WNT5A: variants seen among roughly 807,000 people sequenced by gnomAD.
WNT5A encodes Wnt family member 5A.
WNT5A carries 9 observed loss-of-function variants against 42.1 expected under a neutral mutation model. That is an observed-to-expected ratio of 0.21 (90% CI 0.13 to 0.37). The LOEUF (loss-of-function observed/expected upper bound fraction) is 0.37, where lower values mean the gene tolerates loss of function less well. Among genes scored for constraint, WNT5A ranks in the 10% least tolerant of loss-of-function variants. The pLI, the probability that WNT5A is intolerant of heterozygous loss-of-function variation, is 1.00. For missense variants in WNT5A, 426 were observed against 534.0 expected, an observed-to-expected ratio of 0.80 and a Z score of 1.99; for synonymous variants, 210 against 210.0, an observed-to-expected ratio of 1.00 and a Z score of 0.00.
chr3:55,485,392 T>C (rs1387391507), intron 1 of WNT5A, among the ~76,000 whole-genome samples: 1 of 151,004 alleles, frequency 6.6e-6, no homozygotes, highest in African/African-American at 2.4e-5. Flanking sequence ...AGGGGACTCT[T>C]GGGCCGGGCC....
chr3:55,481,467 GCGGGAGGGAA>G, intron 1 of WNT5A: 2 of 886,534 alleles, frequency 2.3e-6, no homozygotes, highest in Non-Finnish European at 2.7e-6. Flanking sequence ...GGGGCAGGAC[GCGGGAGGGAA>G]GGGCAGGGGG....
intron 2 of WNT5A, among the ~76,000 whole-genome samples, 188 bp from the exon 3 acceptor site, chr3:55,479,752 A>G (rs2051423455): frequency 6.6e-6 from 1 of 152,118 alleles, no homozygotes; most frequent in Non-Finnish European, 1.5e-5. Context: ...AAACGGAGGT[A>G]TTGTGCAGTC....
the WNT5A span, among the ~76,000 whole-genome samples, chr3:55,495,826 A>G: frequency 6.6e-6 from 1 of 152,192 alleles, no homozygotes; most frequent in African/African-American, 2.4e-5. Context: ...ATGTTACACA[A>G]TTTTTAATAT....
Position 55,470,243 on chromosome 3 carries a change from C to T in WNT5A, c.992G>A (p.Gly331Asp). The change falls in exon 5 of 5, where the codon GGC becomes GAC. Residue 331 changes from glycine (G) to aspartate (D), a missense_variant. Gly to Asp is a moderately conservative substitution (Grantham distance 94, BLOSUM62 -1). Around this residue, in one of 3 missense-constraint regions of WNT5A, gnomAD observed 358 missense variants for 468.1 expected, o/e 0.76. Coordinates refer to ENST00000264634, the MANE Select transcript of WNT5A (RefSeq NM_003392.7). The stretch of plus-strand genomic sequence containing the variant: ...GCACATGAGCTCGCAGCCATCCATG[C>T]CCTCCGACGTCTTGTTGCACAGGCG... ...QGRLCNKTSE[G>D]MDGCELMCCG... 6.2e-7 allele frequency: 1 copy of T among 1,614,122 alleles called. No homozygotes were observed. The highest frequency in any genetic ancestry group is 8.5e-7 in the Non-Finnish European group (1 of 1,179,970).
At chr3:55,471,493 C>A (rs1224372739) in intron 4 of WNT5A, among the ~76,000 whole-genome samples, 2 of 152,246 alleles carry the variant, frequency 1.3e-5, no homozygotes, top group Non-Finnish European at 2.9e-5. Flanking sequence ...AGTGGTGGCA[C>A]CAACCTCCAA....
At position 55,470,553 on chromosome 3, in the gene WNT5A, G is replaced by A. The variant is rs142156364; in HGVS notation, c.685-3C>T. 3.8e-5 allele frequency: 58 copies of A among 1,522,802 alleles called. No individual in the cohort carries two copies. In the African/African-American group the frequency reaches 7.4e-4, roughly 19 times the overall value. 94.3% of individuals were successfully genotyped at this position (1,522,802 alleles called of 1,614,324 possible). A position where few individuals can be genotyped will look rare whatever the true frequency, so the allele number is the denominator to read the frequency against. On this transcript the variant is annotated splice_region_variant and splice_polypyrimidine_tract_variant and intron_variant, in intron 4 of 4. Coordinates refer to ENST00000264634, the MANE Select transcript of WNT5A (RefSeq NM_003392.7). The stretch of plus-strand genomic sequence containing the variant: ...ACATCAGCCAGGTTGTACACCGTCT[G>A]CAGGGAAATGGGGGCAATCAATACA...
chr3:55,482,225 C>A (rs916453089), intron 1 of WNT5A, among the ~76,000 whole-genome samples: 1 of 152,252 alleles, frequency 6.6e-6, no homozygotes, highest in Non-Finnish European at 1.5e-5. Context: ...CGAAGGTTCC[C>A]TTCCTGAAGA....
At chr3:55,471,840 G>A (rs2051258020) in intron 4 of WNT5A, among the ~76,000 whole-genome samples, 1 of 152,222 alleles carries the variant, frequency 6.6e-6, no homozygotes, top group Admixed American at 6.5e-5. Context: ...GAACCTGGAA[G>A]CTGGGGGTGC....
At chr3:55,495,427 A>T, upstream of WNT5A, among the ~76,000 whole-genome samples, 1 of 152,190 alleles carries the variant, frequency 6.6e-6, no homozygotes, top group Non-Finnish European at 1.5e-5. Flanking sequence ...TGTAAGTGAG[A>T]TCATGCAGCA....
chr3:55,471,046 G>A (rs1423781627), intron 4 of WNT5A, among the ~76,000 whole-genome samples: 2 of 152,172 alleles, frequency 1.3e-5, no homozygotes, highest in Non-Finnish European at 2.9e-5. Flanking sequence ...CTCCAAGCCC[G>A]TGCTTAGTGA....
At chr3:55,484,346 C>A (rs181284619) in intron 1 of WNT5A, among the ~76,000 whole-genome samples, 3 of 152,250 alleles carry the variant, frequency 2.0e-5, no homozygotes, top group Admixed American at 2.0e-4. Flanking sequence ...AAGAATGGGC[C>A]GGCCCAGGCG....
the WNT5A span, among the ~76,000 whole-genome samples, chr3:55,496,837 T>A: frequency 6.6e-6 from 1 of 152,038 alleles, no homozygotes; most frequent in African/African-American, 2.4e-5. Flanking sequence ...ATTTAGAGAG[T>A]CAGTTTATTG....
At chr3:55,499,742 G>A in the WNT5A span, among the ~76,000 whole-genome samples, 1 of 152,158 alleles carries the variant, frequency 6.6e-6, no homozygotes, top group East Asian at 1.9e-4. Context: ...GGGAGGCCAA[G>A]GCAGGCAGAT....
chr3:55,487,141 G>A lies in WNT5A; in HGVS notation c.-156C>T, dbSNP rs1011954040. The A allele has an allele frequency of 1.5e-6, 1 of 646,036 alleles. No individual in the cohort carries two copies. The highest frequency in any genetic ancestry group is 2.6e-6 in the Non-Finnish European group (1 of 378,698). 40.0% of individuals were successfully genotyped at this position (646,036 alleles called of 1,614,324 possible). The stretch of plus-strand genomic sequence containing the variant: ...CCGGCGGGCGCAGTGAACCGGAGCT[G>A]AAGCGGGCACTGGCGCCCGGGCCTG... On this transcript the variant is annotated 5_prime_UTR_variant, in exon 1 of 5. Transcript: ENST00000264634.
intron 3 of WNT5A, 131 bp from the exon 4 acceptor site, chr3:55,474,760 G>A (rs1301068659): frequency 2.0e-6 from 1 of 497,054 alleles, no homozygotes; most frequent in African/African-American, 3.0e-5. Flanking sequence ...TAGAGATGGA[G>A]GGGAGGTAGG....
intron 3 of WNT5A, among the ~76,000 whole-genome samples, chr3:55,476,369 G>A (rs1029242182): frequency 2.6e-5 from 4 of 152,168 alleles, no homozygotes; most frequent in African/African-American, 4.8e-5. Flanking sequence ...CCTATCTAGC[G>A]GGATTAGAGA....
chr3:55,503,125 A>G, the WNT5A span, among the ~76,000 whole-genome samples: 1 of 152,214 alleles, frequency 6.6e-6, no homozygotes, highest in Non-Finnish European at 1.5e-5. Context: ...ACAGCCCCCA[A>G]TATCCAGATC....
In WNT5A at chr3:55,474,422, C is replaced by A. The variant is rs750057475; in HGVS notation, c.599G>T (p.Arg200Leu). 1 of 1,611,134 alleles carries A rather than the reference C, an allele frequency of 6.2e-7. No homozygotes were observed. The highest frequency in any genetic ancestry group is 2.2e-5 in the East Asian group (1 of 44,654). Residue 200 changes from arginine to leucine, a missense_variant, in exon 4 of 5, where the codon CGC becomes CTC. Physicochemically the swap from Arg to Leu is moderately radical, Grantham distance 102. This residue lies in a region of WNT5A where 358 missense variants were observed against 468.1 expected (regional missense o/e 0.76). Transcript: ENST00000264634. ...CTTGGCGTGGATGCGCTCCCGCTCG[C>A]GGGCGTCCACGAACTCCTTGGCAAA... Reference protein sequence around the residue: ...YRFAKEFVDARERERIHAKGS... With the variant: ...YRFAKEFVDALERERIHAKGS...
rs1011440345 is a variant in WNT5A at position 55,468,404 on chromosome 3, C to T, written c.*1688G>A. The T allele has an allele frequency of 2.0e-5, 3 of 152,058 alleles. No homozygotes were observed. The highest frequency in any genetic ancestry group is 4.8e-5 in the African/African-American group (2 of 41,404). 9.4% of individuals were successfully genotyped at this position (152,058 alleles called of 1,614,324 possible). A position where few individuals can be genotyped will look rare whatever the true frequency, so the allele number is the denominator to read the frequency against. On this transcript the variant is annotated 3_prime_UTR_variant, in exon 5 of 5. Transcript: ENST00000264634. ...CAGAAAAGAAAAAAGATATCTTCAA[C>T]CCAACACGCATTTCAGTGAGTCAGA... is the stretch of plus-strand genomic sequence containing the variant.
Sources: allele counts gnomAD v4.1 joint callset (sites outside exome capture counted in the v4.1 genomes callset), GRCh38; gene constraint gnomAD v4.1.1; regional missense constraint gnomAD v4.1.1; transcripts MANE v1.5; gene names NCBI Gene and HGNC (gene_info 2026-07-23, HGNC 2026-07-21).